DENND3: variants seen among roughly 807,000 people sequenced by gnomAD.
DENND3 encodes the protein DENN domain containing 3, also known as DENN domain-containing protein 3.
A neutral mutation model predicts 135.1 loss-of-function variants in DENND3; 88 were observed. That is an observed-to-expected ratio of 0.65 (90% CI 0.55 to 0.78). DENND3 has a LOEUF of 0.78. Ranked by LOEUF, DENND3 falls within the 30% of genes least tolerant of loss-of-function variation. The pLI, the probability that DENND3 is intolerant of heterozygous loss-of-function variation, is 0.00. For synonymous variants in DENND3, 693 were observed against 712.3 expected (o/e 0.97, Z 0.43); for missense variants, 1,392 against 1,688.4 (o/e 0.82, Z 3.08).
chr8:141,134,461 A>AC (rs1816531923), intron 1 of DENND3, among the ~76,000 whole-genome samples: 1 of 151,536 alleles, frequency 6.6e-6, no homozygotes, highest in South Asian at 2.1e-4. Context: ...ATGCCCGGCT[A>AC]ATTTTTTGTA....
rs1330195515 is a variant in DENND3 at position 141,137,890 on chromosome 8, C to T, written c.386-132C>T. The T allele has an allele frequency of 9.7e-6, 8 of 821,084 alleles. No homozygotes were observed. The highest frequency in any genetic ancestry group is 5.7e-5 in the South Asian group (3 of 52,730). The allele number at this position is 821,084 out of a possible 1,614,324, so 50.9% of individuals were successfully genotyped here. A position where few individuals can be genotyped will look rare whatever the true frequency, so the allele number is the denominator to read the frequency against. On this transcript the variant is annotated intron_variant, in intron 2 of 22. Transcript: ENST00000519811. The surrounding 1 kb of genome is among the most constrained non-coding windows in gnomAD (Gnocchi z 4.1). Reference sequence around the variant, plus strand: ...GGAGGCGTGATCGGAAGAATGAACCCGCCTTGGACATGAAGGCACCACCAC... The same window carrying T: ...GGAGGCGTGATCGGAAGAATGAACCTGCCTTGGACATGAAGGCACCACCAC...
rs1437873225 is a variant in DENND3 at position 141,147,051 on chromosome 8, C to T, written c.735+2792C>T. Among the ~76,000 whole-genome samples the T allele has an allele frequency of 3.9e-5, 6 of 152,342 alleles. No individual in the cohort carries two copies. In the South Asian group the frequency reaches 8.3e-4, roughly 21 times the overall value. ...CCGGGTCTCCTGGCCCGATGACTCT[C>T]GGCTCCTTCATCTCGACGCACCCGT... On this transcript the variant is annotated intron_variant, in intron 5 of 22. Coordinates refer to ENST00000519811, the MANE Select transcript of DENND3 (RefSeq NM_001352890.3).
chr8:141,134,299 A>T (rs947949154), intron 1 of DENND3, among the ~76,000 whole-genome samples: 1 of 151,224 alleles, frequency 6.6e-6, no homozygotes, highest in Non-Finnish European at 1.5e-5. Flanking sequence ...TTTTATTTTT[A>T]TTTTATTTTT....
At chr8:141,152,924 A>G (rs1818984445) in intron 7 of DENND3, among the ~76,000 whole-genome samples, 1 of 152,114 alleles carries the variant, frequency 6.6e-6, no homozygotes, top group Non-Finnish European at 1.5e-5. Flanking sequence ...GTTGTCTGCC[A>G]TTTGAATTGC....
intron 13 of DENND3, among the ~76,000 whole-genome samples, chr8:141,172,927 A>G (rs983843473): frequency 4.6e-5 from 7 of 152,098 alleles, no homozygotes; most frequent in African/African-American, 1.4e-4. Context: ...TAAAAAAAAA[A>G]AAAGAAAGAA....
rs758810430 is a variant in DENND3, at chr8:141,176,572, T to C, written c.2536-19T>C. ...TCTCTGAGTGTGACATTCCTAACTT[T>C]TCTTTTCTGCCTCTGCAGGAGGTCA... is the stretch of plus-strand genomic sequence containing the variant. On this transcript the variant is annotated intron_variant, in intron 14 of 22. Coordinates refer to ENST00000519811, the MANE Select transcript of DENND3 (RefSeq NM_001352890.3). The C allele has an allele frequency of 1.2e-6, 2 of 1,614,122 alleles. No homozygotes were observed. Among genetic ancestry groups the C allele is most frequent in the Admixed American group, 3.3e-5 (2 of 60,016 alleles).
At chr8:141,181,427 T>G (rs933597128) in intron 17 of DENND3, among the ~76,000 whole-genome samples, 1 of 152,198 alleles carries the variant, frequency 6.6e-6, no homozygotes, top group Non-Finnish European at 1.5e-5. Context: ...CCTCAGATAT[T>G]TGTTGTCATA....
intron 8 of DENND3, among the ~76,000 whole-genome samples, chr8:141,159,137 G>C (rs1338517784): frequency 4.6e-5 from 7 of 152,224 alleles, no homozygotes. Context: ...CCCCTCAGCA[G>C]CTGCTGCTCA....
At position 141,183,683 on chromosome 8, in the gene DENND3, G is replaced by C. The variant is rs1048741281; in HGVS notation, c.2945-1456G>C. Reference sequence around the variant, plus strand: ...CCCTCTGGCAGGCTCAGGTGGGAATGACGGGTGAGAAGCCACTGAAGACGT... The same window carrying C: ...CCCTCTGGCAGGCTCAGGTGGGAATCACGGGTGAGAAGCCACTGAAGACGT... On this transcript the variant is annotated intron_variant, in intron 17 of 22. Transcript: ENST00000519811. Among the ~76,000 whole-genome samples the C allele has an allele frequency of 3.3e-5, 5 of 151,042 alleles. No individual in the cohort carries two copies. In the East Asian group the frequency reaches 9.7e-4, roughly 29 times the overall value.
intron 17 of DENND3, among the ~76,000 whole-genome samples, chr8:141,183,796 G>C (rs887028977): frequency 2.6e-5 from 4 of 151,134 alleles, no homozygotes; most frequent in African/African-American, 9.8e-5. Context: ...AGTGCAACAG[G>C]CTCCAGGGCA....
At chr8:141,161,572 TTAA>T (rs1820131598) in intron 9 of DENND3, among the ~76,000 whole-genome samples, 1 of 152,222 alleles carries the variant, frequency 6.6e-6, no homozygotes, top group Non-Finnish European at 1.5e-5. Context: ...TAAGTACTTT[TTAA>T]TGCAAAAGCC....
In DENND3 at chr8:141,180,790, T is replaced by TAAAATCAACCCC; in HGVS notation, c.2881_2892dup (p.Lys961_Pro964dup). ...AGACAACCCTGGAAACACTGAAGCATAAAATCAACCCCTCGGCGGGGGAGG... is the reference window on the plus strand; with the variant it reads ...AGACAACCCTGGAAACACTGAAGCATAAAATCAACCCCAAAATCAACCCCTCGGCGGGGGAGG... On this transcript the variant is annotated inframe_insertion, in exon 17 of 23. Coordinates refer to ENST00000519811, the MANE Select transcript of DENND3 (RefSeq NM_001352890.3). The TAAAATCAACCCC allele has an allele frequency of 6.2e-7, 1 of 1,613,750 alleles. No homozygotes were observed. The highest frequency in any genetic ancestry group is 8.5e-7 in the Non-Finnish European group (1 of 1,179,860).
At chr8:141,172,232 GCA>G (rs1189801357) in intron 13 of DENND3, among the ~76,000 whole-genome samples, 1 of 151,584 alleles carries the variant, frequency 6.6e-6, no homozygotes, top group Non-Finnish European at 1.5e-5. Flanking sequence ...CCGTGGGTGT[GCA>G]CAGTGTCTGT....
intron 11 of DENND3, among the ~76,000 whole-genome samples, chr8:141,165,788 T>C (rs1244727598): frequency 6.6e-6 from 1 of 152,174 alleles, no homozygotes; most frequent in Non-Finnish European, 1.5e-5. Flanking sequence ...GAGGGAACAC[T>C]TGAAACGTGC....
intron 5 of DENND3, among the ~76,000 whole-genome samples, chr8:141,149,263 A>G (rs549552028): frequency 1.2e-3 from 184 of 152,350 alleles, no homozygotes; most frequent in African/African-American, 4.1e-3. Context: ...TGGTAACAAG[A>G]AAGCAAAGAG....
intron 14 of DENND3, 71 bp from the exon 15 acceptor site, chr8:141,176,520 G>A (rs1015965875): frequency 6.3e-7 from 1 of 1,580,824 alleles, no homozygotes; most frequent in Non-Finnish European, 8.7e-7. Context: ...AGCCCGCTCT[G>A]CCTCTGTCTC....
intron 14 of DENND3, chr8:141,176,085 G>A (rs1041922762): frequency 3.3e-5 from 6 of 179,748 alleles, no homozygotes; most frequent in African/African-American, 1.4e-4. Flanking sequence ...CACCTGCTGA[G>A]TGGTCATAGA....
At chr8:141,169,417 G>A (rs1051708524) in intron 13 of DENND3, among the ~76,000 whole-genome samples, 2 of 152,262 alleles carry the variant, frequency 1.3e-5, no homozygotes, top group Non-Finnish European at 2.9e-5. Context: ...GGGAGATGAA[G>A]ACGCTCCTTG....
At chr8:141,157,304 G>A (rs1819560344) in intron 8 of DENND3, 4 of 985,434 alleles carry the variant, frequency 4.1e-6, no homozygotes, top group East Asian at 1.1e-4. Context: ...ACGTCAGGAC[G>A]GAGGTGTTGG....
Sources: allele counts gnomAD v4.1 joint callset (sites outside exome capture counted in the v4.1 genomes callset), GRCh38; gene constraint gnomAD v4.1.1; non-coding constraint Gnocchi (gnomAD v3.1); transcripts MANE v1.5; gene names NCBI Gene and HGNC (gene_info 2026-07-23, HGNC 2026-07-21).